The following ADAMTS6 variants were observed in gnomAD, a reference collection of about 807,000 sequenced individuals.
ADAMTS6 encodes the protein ADAM metallopeptidase with thrombospondin type 1 motif 6.
Under a neutral mutation model 144.3 loss-of-function variants are expected in ADAMTS6, and 23 were observed. That is an observed-to-expected ratio of 0.16 (90% CI 0.11 to 0.23). ADAMTS6 has a LOEUF of 0.23. Among genes scored for constraint, ADAMTS6 ranks in the 10% least tolerant of loss-of-function variants. The pLI is 1.00. For synonymous variants in ADAMTS6, 444 were observed against 457.5 expected (o/e 0.97, Z 0.38); for missense variants, 999 against 1,379.6 (o/e 0.72, Z 4.37).
At chr5:65,422,457 A>C (rs1756132898) in intron 7 of ADAMTS6, among the ~76,000 whole-genome samples, 1 of 152,148 alleles carries the variant, frequency 6.6e-6, no homozygotes, top group South Asian at 2.1e-4. Context: ...CCCTGTTGCT[A>C]CTAAAAATAC....
At chr5:65,467,598 A>G (rs1382341537) in intron 3 of ADAMTS6, among the ~76,000 whole-genome samples, 1 of 152,148 alleles carries the variant, frequency 6.6e-6, no homozygotes, top group African/African-American at 2.4e-5. Flanking sequence ...TTTATGCCCT[A>G]TATATTCCCT....
intron 22 of ADAMTS6, among the ~76,000 whole-genome samples, chr5:65,175,615 A>G (rs1055081939): frequency 1.3e-5 from 2 of 152,188 alleles, no homozygotes; most frequent in African/African-American, 2.4e-5. Flanking sequence ...TCTGTAGGCA[A>G]CTGCTTTGCT....
At chr5:65,161,019 A>G (rs1752738298) in intron 24 of ADAMTS6, among the ~76,000 whole-genome samples, 1 of 149,338 alleles carries the variant, frequency 6.7e-6, no homozygotes, top group Non-Finnish European at 1.5e-5. Context: ...TCACACTAGA[A>G]CCTCTTCTCT....
intron 9 of ADAMTS6, among the ~76,000 whole-genome samples, chr5:65,303,088 G>A (rs1032820223): frequency 3.3e-5 from 5 of 152,064 alleles, no homozygotes; most frequent in Admixed American, 3.3e-4. Context: ...AACTTTTGAT[G>A]GTTGATTTTA....
At chr5:65,425,738 G>GT (rs1756451556) in intron 7 of ADAMTS6, among the ~76,000 whole-genome samples, 1 of 151,130 alleles carries the variant, frequency 6.6e-6, no homozygotes, top group Non-Finnish European at 1.5e-5. Flanking sequence ...AAAGACAAAT[G>GT]TATTGCATGA....
intron 7 of ADAMTS6, among the ~76,000 whole-genome samples, chr5:65,357,406 G>A (rs1220483250): frequency 6.6e-6 from 1 of 150,946 alleles, no homozygotes; most frequent in African/African-American, 2.4e-5. Context: ...GATACATTAA[G>A]AATAAAGAAA....
chr5:65,390,492 T>TA (rs1431141489), intron 7 of ADAMTS6, among the ~76,000 whole-genome samples: 11 of 152,178 alleles, frequency 7.2e-5, no homozygotes, highest in Admixed American at 7.2e-4. Context: ...ACGGTTAATA[T>TA]ACCAGCAGAG....
chr5:65,432,522 T>TCA (rs200225081), intron 7 of ADAMTS6, among the ~76,000 whole-genome samples: 2,126 of 151,684 alleles, frequency 0.014, 45 homozygotes, highest in African/African-American at 0.049. Flanking sequence ...TAGCACTTAA[T>TCA]CACACACACA....
intron 18 of ADAMTS6, among the ~76,000 whole-genome samples, chr5:65,220,711 C>T (rs1394571175): frequency 6.6e-6 from 1 of 151,874 alleles, no homozygotes; most frequent in East Asian, 1.9e-4. Context: ...TGCGCCACTG[C>T]ACTCCAGCCT....
intron 7 of ADAMTS6, among the ~76,000 whole-genome samples, chr5:65,420,725 G>C (rs1190340294): frequency 6.6e-6 from 1 of 152,140 alleles, no homozygotes; most frequent in Non-Finnish European, 1.5e-5. Context: ...AATGCCCTTT[G>C]AAGACAATAT....
At chr5:65,442,280 T>C (rs1329169049) in intron 7 of ADAMTS6, among the ~76,000 whole-genome samples, 1 of 152,134 alleles carries the variant, frequency 6.6e-6, no homozygotes, top group Non-Finnish European at 1.5e-5. Flanking sequence ...TAAACAATTA[T>C]GCCAATACAC....
intron 10 of ADAMTS6, among the ~76,000 whole-genome samples, chr5:65,299,048 T>G (rs911741631): frequency 6.6e-6 from 1 of 152,070 alleles, no homozygotes; most frequent in African/African-American, 2.4e-5. Flanking sequence ...TATACCTTAC[T>G]TTTTCACAGA....
At chr5:65,327,538 C>A (rs1746289598) in intron 9 of ADAMTS6, among the ~76,000 whole-genome samples, 2 of 151,888 alleles carry the variant, frequency 1.3e-5, no homozygotes, top group Non-Finnish European at 2.9e-5. Context: ...TACTTTCAAA[C>A]AAGAGTTAAC....
intron 24 of ADAMTS6, among the ~76,000 whole-genome samples, chr5:65,157,130 G>A (rs1752472465): frequency 6.6e-6 from 1 of 152,168 alleles, no homozygotes; most frequent in Admixed American, 6.6e-5. Flanking sequence ...AGAATCTGAA[G>A]TAATTTGCCA....
chr5:65,472,168 G>C (rs1159999410), intron 2 of ADAMTS6, among the ~76,000 whole-genome samples: 2 of 152,144 alleles, frequency 1.3e-5, no homozygotes, highest in Admixed American at 1.3e-4. Flanking sequence ...AAAACATTAA[G>C]TAAAAGAGCA....
At chr5:65,211,992 A>T (rs1412662090) in intron 20 of ADAMTS6, among the ~76,000 whole-genome samples, 1 of 152,156 alleles carries the variant, frequency 6.6e-6, no homozygotes, top group Non-Finnish European at 1.5e-5. Context: ...ACGTGTCTAG[A>T]GTGCTGGGTT....
At chr5:65,215,587 C>T in intron 18 of ADAMTS6, 100 bp from the exon 19 acceptor site, 1 of 1,022,660 alleles carries the variant, frequency 9.8e-7, no homozygotes, top group Non-Finnish European at 1.4e-6. Flanking sequence ...ATACCGATTT[C>T]CATTTAGAGA....
intron 7 of ADAMTS6, among the ~76,000 whole-genome samples, chr5:65,429,394 G>C (rs531046779): frequency 3.3e-5 from 5 of 152,078 alleles, no homozygotes; most frequent in African/African-American, 1.2e-4. Context: ...ATTTCTGAAG[G>C]CTCCAGTGTC....
At chr5:65,314,819 C>T (rs74979837) in intron 9 of ADAMTS6, among the ~76,000 whole-genome samples, 1,680 of 152,116 alleles carry the variant, frequency 0.011, 28 homozygotes, top group African/African-American at 0.038. Flanking sequence ...GGCAGACCTG[C>T]ACTGCAAGAA....
Sources: allele counts gnomAD v4.1 joint callset (sites outside exome capture counted in the v4.1 genomes callset), GRCh38; gene constraint gnomAD v4.1.1; transcripts MANE v1.5; gene names NCBI Gene and HGNC (gene_info 2026-07-23, HGNC 2026-07-21).